Variants in JRK observed in about 807,000 individuals in gnomAD.
JRK encodes Jrk helix-turn-helix protein.
For missense variants in JRK, 720 were observed against 509.2 expected (o/e 1.41, Z -3.98); for synonymous variants, 303 against 218.1 (o/e 1.39, Z -3.43).
chr8:142,664,352 T>G lies in JRK; in HGVS notation c.1707A>C (p.Ter569CysextTer86). The G allele has an allele frequency of 2.6e-6, 4 of 1,552,542 alleles. No homozygotes were observed. The highest frequency in any genetic ancestry group is 3.5e-6 in the Non-Finnish European group (4 of 1,145,830). ...TGGCCAGGGCAGGGCAGAGAAGCCA[T>G]CAGTTGTCACCTGCTGTGGATGAGC... is the stretch of plus-strand genomic sequence containing the variant. ...LPCSSTAGDN[*>C] is the part of the protein sequence containing the mutation. Residue 569 changes from the stop codon to cysteine (C), a stop_lost, in exon 2 of 2, where the codon TGA becomes TGC. Transcript: ENST00000612905.
At chr8:142,645,790 C>T in the JRK span, among the ~76,000 whole-genome samples, 6 of 152,300 alleles carry the variant, frequency 3.9e-5, no homozygotes, top group African/African-American at 1.4e-4. Context: ...TAAACAACCA[C>T]TCATTTTACT....
At position 142,662,673 on chromosome 8, in the gene JRK, C is replaced by A. The variant is rs587772800; in HGVS notation, c.*1679G>T. 3 of 985,278 alleles carry A rather than the reference C, an allele frequency of 3.0e-6. No homozygotes were observed. The Admixed American group carries it at 1.8e-4, about 61-fold the overall frequency. The allele number at this position is 985,278 out of a possible 1,614,324, so 61.0% of individuals were successfully genotyped here. On this transcript the variant is annotated 3_prime_UTR_variant, in exon 2 of 2. Coordinates refer to ENST00000612905, the MANE Select transcript of JRK (RefSeq NM_003724.4). The stretch of plus-strand genomic sequence containing the variant: ...AGGGCTCTGTCAGCAATGACTTTTG[C>A]CCCTGTATCTACAGAGATGTGAAAG...
In JRK at chr8:142,659,191, C is replaced by A; in HGVS notation, c.*5161G>T. On this transcript the variant is annotated 3_prime_UTR_variant, in exon 2 of 2. Transcript: ENST00000612905. ...CCTCATGGTCACCCCAGAGGACAGG[C>A]CTTCCTTTCACACACATCAGAAATA... 8.1e-7 allele frequency: 1 copy of A among 1,239,048 alleles called. No individual in the cohort carries two copies. The highest frequency in any genetic ancestry group is 2.1e-5 in the South Asian group (1 of 46,588). The allele number at this position is 1,239,048 out of a possible 1,614,324, so 76.8% of individuals were successfully genotyped here.
In JRK at chr8:142,658,005, G is replaced by A. The variant is rs782089329; in HGVS notation, c.*6347C>T. 11 of 152,334 alleles carry A rather than the reference G, an allele frequency of 7.2e-5. No homozygotes were observed. Among genetic ancestry groups the A allele is most frequent in the Non-Finnish European group, 1.5e-4 (10 of 68,106 alleles). 9.4% of individuals were successfully genotyped at this position (152,334 alleles called of 1,614,324 possible). ...GGAATCCTCCAGGCCCTGGCCATGA[G>A]GTGCTCCGTATTTATTGCCTCTGTC... On this transcript the variant is annotated 3_prime_UTR_variant, in exon 2 of 2. Transcript: ENST00000612905.
At position 142,665,733 on chromosome 8, in the gene JRK, C is replaced by A. The variant is rs782678278; in HGVS notation, c.326G>T (p.Gly109Val). The change falls in exon 2 of 2, where the codon GGC becomes GTC. Residue 109 changes from glycine (G) to valine (V), a missense_variant. By Grantham distance (109) the Gly-to-Val change is moderately radical. Transcript: ENST00000612905. ...GKRSEGVPVS[G>V]PMLIEKAKDF... Reference sequence around the variant, plus strand: ...CTTGGCCTTCTCGATGAGCATGGGGCCTGACACGGGGACGCCCTCGGAGCG... The same window carrying A: ...CTTGGCCTTCTCGATGAGCATGGGGACTGACACGGGGACGCCCTCGGAGCG... The A allele has an allele frequency of 1.3e-6, 1 of 770,846 alleles. No individual in the cohort carries two copies. Among genetic ancestry groups the A allele is most frequent in the Non-Finnish European group, 2.4e-6 (1 of 413,796 alleles). 47.8% of individuals were successfully genotyped at this position (770,846 alleles called of 1,614,324 possible).
chr8:142,661,759 T>C lies in JRK; in HGVS notation c.*2593A>G. ...CACAGAGCTGTGCTGTGGTGTCTGG[T>C]ACAGCGGGGCTCCACCTGAGAGGGC... On this transcript the variant is annotated 3_prime_UTR_variant, in exon 2 of 2. Transcript: ENST00000612905. 1.0e-6 allele frequency: 1 copy of C among 985,422 alleles called. No individual in the cohort carries two copies. Among genetic ancestry groups the C allele is most frequent in the Non-Finnish European group, 1.2e-6 (1 of 829,970 alleles). 61.0% of individuals were successfully genotyped at this position (985,422 alleles called of 1,614,324 possible). A position where few individuals can be genotyped will look rare whatever the true frequency, so the allele number is the denominator to read the frequency against.
chr8:142,669,741 G>C (rs1190708566), intron 1 of JRK, among the ~76,000 whole-genome samples, 191 bp downstream of exon 1: 1 of 149,740 alleles, frequency 6.7e-6, no homozygotes, highest in Non-Finnish European at 1.5e-5. Flanking sequence ...CGGCTCCCGG[G>C]AGGGGGCGCT....
rs1440409544 is a variant in JRK at position 142,661,425 on chromosome 8, A to G, written c.*2927T>C. On this transcript the variant is annotated 3_prime_UTR_variant, in exon 2 of 2. Coordinates refer to ENST00000612905, the MANE Select transcript of JRK (RefSeq NM_003724.4). The stretch of plus-strand genomic sequence containing the variant: ...GGACACAGGAGCGCCCTCAGGCCTG[A>G]GCACTCAGGGGTGCCACCCCAAAGA... 3.0e-6 allele frequency: 3 copies of G among 985,470 alleles called. No homozygotes were observed. Among genetic ancestry groups the G allele is most frequent in the Non-Finnish European group, 3.6e-6 (3 of 829,998 alleles). 61.0% of individuals were successfully genotyped at this position (985,470 alleles called of 1,614,324 possible). A position where few individuals can be genotyped will look rare whatever the true frequency, so the allele number is the denominator to read the frequency against.
chr8:142,669,261 T>G (rs1194464225), intron 1 of JRK, among the ~76,000 whole-genome samples: 10 of 148,622 alleles, frequency 6.7e-5, no homozygotes, highest in African/African-American at 2.5e-4. Context: ...ACAAGTCGCA[T>G]TCTGGAGCTG....
At position 142,664,519 on chromosome 8, in the gene JRK, G is replaced by GC. The variant is rs781897400; in HGVS notation, c.1539dup (p.Gln514AlafsTer29). ...AACACGGCACGCAGCGCCCGCAGCT[G>GC]CCCCACTTCCTGCGCACTGAAGCAT... On this transcript the variant is annotated frameshift_variant, in exon 2 of 2. Coordinates refer to ENST00000612905, the MANE Select transcript of JRK (RefSeq NM_003724.4). LOFTEE classifies it low-confidence loss of function (END_TRUNC). 8.7e-6 allele frequency: 14 copies of GC among 1,609,198 alleles called. No individual in the cohort carries two copies. Among genetic ancestry groups the GC allele is most frequent in the Non-Finnish European group, 1.2e-5 (14 of 1,178,584 alleles).
Position 142,663,471 on chromosome 8 carries a change from C to G in JRK, c.*881G>C, listed in dbSNP as rs1030256462. On this transcript the variant is annotated 3_prime_UTR_variant, in exon 2 of 2. Transcript: ENST00000612905. ...CAGTGACTTACGTGCAAACCTAAGACTAATCTCTGAATGTCTGATCAAGAC... is the reference window on the plus strand; with the variant it reads ...CAGTGACTTACGTGCAAACCTAAGAGTAATCTCTGAATGTCTGATCAAGAC... The G allele has an allele frequency of 4.7e-5, 46 of 985,306 alleles. No individual in the cohort carries two copies. In the African/African-American group the frequency reaches 7.5e-4, roughly 16 times the overall value. 61.0% of individuals were successfully genotyped at this position (985,306 alleles called of 1,614,324 possible). A position where few individuals can be genotyped will look rare whatever the true frequency, so the allele number is the denominator to read the frequency against.
chr8:142,648,540 C>A, the JRK span, among the ~76,000 whole-genome samples: 1 of 152,358 alleles, frequency 6.6e-6, no homozygotes, highest in East Asian at 1.9e-4. Flanking sequence ...GCAGTTTCCA[C>A]ATGGTGTTGA....
rs587756650 is a variant in JRK, at chr8:142,662,701, C to G, written c.*1651G>C. 23 of 985,404 alleles carry G rather than the reference C, an allele frequency of 2.3e-5. No homozygotes were observed. The East Asian group carries it at 1.7e-3, about 73-fold the overall frequency. 61.0% of individuals were successfully genotyped at this position (985,404 alleles called of 1,614,324 possible). On this transcript the variant is annotated 3_prime_UTR_variant, in exon 2 of 2. Transcript: ENST00000612905. ...CTGTATCTACAGAGATGTGAAAGTA[C>G]GAGAAACCACAGCGAGCCAAATCCT...
chr8:142,665,562 C>A lies in JRK; in HGVS notation c.497G>T (p.Cys166Phe). 1 of 718,544 alleles carries A rather than the reference C, an allele frequency of 1.4e-6. No homozygotes were observed. Among genetic ancestry groups the A allele is most frequent in the South Asian group, 1.5e-5 (1 of 67,608 alleles). The allele number at this position is 718,544 out of a possible 1,614,324, so 44.5% of individuals were successfully genotyped here. A position where few individuals can be genotyped will look rare whatever the true frequency, so the allele number is the denominator to read the frequency against. The change falls in exon 2 of 2, where the codon TGT (cysteine) becomes TTT (phenylalanine). Residue 166 changes from cysteine (C) to phenylalanine (F), a missense_variant. By Grantham distance (205) the Cys-to-Phe change is radical. Coordinates refer to ENST00000612905, the MANE Select transcript of JRK (RefSeq NM_003724.4). The part of the protein sequence containing the change: ...SADHQAAEQF[C>F]AFFRSLAAEH... ...AGCAGCCAAGCTCCTGAAAAACGCA[C>A]AGAACTGCTCCGCGGCCTGGTGGTC...
chr8:142,658,822 C>T lies in JRK; in HGVS notation c.*5530G>A. On this transcript the variant is annotated 3_prime_UTR_variant, in exon 2 of 2. Coordinates refer to ENST00000612905, the MANE Select transcript of JRK (RefSeq NM_003724.4). ...ACTGGTGGGGACAGAGGGGTCTTAC[C>T]CAGCACTGCCATGTGGCAGAAGTTC... is the stretch of plus-strand genomic sequence containing the variant. The T allele has an allele frequency of 6.2e-7, 1 of 1,601,130 alleles. No individual in the cohort carries two copies. The highest frequency in any genetic ancestry group is 8.5e-7 in the Non-Finnish European group (1 of 1,173,818).
rs1846880563 is a variant in JRK, at chr8:142,660,459, G to A, written c.*3893C>T. 3.1e-6 allele frequency: 3 copies of A among 966,880 alleles called. No homozygotes were observed. Among genetic ancestry groups the A allele is most frequent in the Non-Finnish European group, 3.7e-6 (3 of 812,964 alleles). 59.9% of individuals were successfully genotyped at this position (966,880 alleles called of 1,614,324 possible). ...CTCACTCTGTCACCCAGGCTGGAGTGCAGAGGCCATAACTCACTGCAGCCT... is the reference window on the plus strand; with the variant it reads ...CTCACTCTGTCACCCAGGCTGGAGTACAGAGGCCATAACTCACTGCAGCCT... On this transcript the variant is annotated 3_prime_UTR_variant, in exon 2 of 2. Transcript: ENST00000612905.
Position 142,664,987 on chromosome 8 carries a change from T to G in JRK, c.1072A>C (p.Asn358His), listed in dbSNP as rs1554635459. ...ACGCTGAATATGGCATCGTTCATGT[T>G]GTAGCGGGCGTGGGGGCCCTGCAGG... ...VPLQGPHARYNMNDAIFSVAC... is the reference protein window; with the variant it reads ...VPLQGPHARYHMNDAIFSVAC... The change falls in exon 2 of 2, where the codon AAC becomes CAC. Residue 358 changes from asparagine (N) to histidine (H), a missense_variant. Asn to His is a moderately conservative substitution (Grantham distance 68). Coordinates refer to ENST00000612905, the MANE Select transcript of JRK (RefSeq NM_003724.4). 2 of 729,788 alleles carry G rather than the reference T, an allele frequency of 2.7e-6. No homozygotes were observed. The highest frequency in any genetic ancestry group is 5.3e-5 in the East Asian group (2 of 37,766). 45.2% of individuals were successfully genotyped at this position (729,788 alleles called of 1,614,324 possible).
Position 142,659,513 on chromosome 8 carries a change from A to G in JRK, c.*4839T>C, listed in dbSNP as rs1241877285. 3 of 985,796 alleles carry G rather than the reference A, an allele frequency of 3.0e-6. No individual in the cohort carries two copies. Among genetic ancestry groups the G allele is most frequent in the Non-Finnish European group, 3.6e-6 (3 of 830,284 alleles). 61.1% of individuals were successfully genotyped at this position (985,796 alleles called of 1,614,324 possible). On this transcript the variant is annotated 3_prime_UTR_variant, in exon 2 of 2. Transcript: ENST00000612905. ...AGGCTCTCTGCGATAGGGCCCAGCC[A>G]TGGCCAGTGGGCCTCCCACAATCTG...
At position 142,663,467 on chromosome 8, in the gene JRK, A is replaced by G. The variant is rs1162747394; in HGVS notation, c.*885T>C. On this transcript the variant is annotated 3_prime_UTR_variant, in exon 2 of 2. Coordinates refer to ENST00000612905, the MANE Select transcript of JRK (RefSeq NM_003724.4). The stretch of plus-strand genomic sequence containing the variant: ...TTTTCAGTGACTTACGTGCAAACCT[A>G]AGACTAATCTCTGAATGTCTGATCA... 2.0e-6 allele frequency: 2 copies of G among 985,338 alleles called. No individual in the cohort carries two copies. The highest frequency in any genetic ancestry group is 2.4e-6 in the Non-Finnish European group (2 of 829,938). 61.0% of individuals were successfully genotyped at this position (985,338 alleles called of 1,614,324 possible). A position where few individuals can be genotyped will look rare whatever the true frequency, so the allele number is the denominator to read the frequency against.
Sources: gnomAD v4.1 joint callset for allele counts (sites outside exome capture counted in the v4.1 genomes callset) on GRCh38, gnomAD v4.1.1 for gene constraint, MANE v1.5 for transcripts, NCBI Gene and HGNC (gene_info 2026-07-23, HGNC 2026-07-21) for gene names.